Variants in BICD1 observed in about 807,000 individuals in gnomAD.
The protein encoded by BICD1 is protein bicaudal D homolog 1.
A neutral mutation model predicts 92.5 loss-of-function variants in BICD1; 35 were observed. That is an observed-to-expected ratio of 0.38 (90% CI 0.29 to 0.50). The LOEUF (loss-of-function observed/expected upper bound fraction) is 0.50, where lower values mean the gene tolerates loss of function less well. Among genes scored for constraint, BICD1 ranks in the 20% least tolerant of loss-of-function variants. The pLI is 0.93. For synonymous variants in BICD1, 429 were observed against 465.1 expected, an observed-to-expected ratio of 0.92 and a Z score of 1.00; for missense variants, 950 against 1,189.8, an observed-to-expected ratio of 0.80 and a Z score of 2.97.
chr12:32,309,180 G>C (rs1948311139), intron 4 of BICD1, among the ~76,000 whole-genome samples: 1 of 144,836 alleles, frequency 6.9e-6, no homozygotes, highest in Non-Finnish European at 1.5e-5. Flanking sequence ...AACATTACAG[G>C]ATACATTGCC....
rs1592663455 is a variant in BICD1, at chr12:32,317,392, C to T, written c.1006-10069C>T. On this transcript the variant is annotated intron_variant, in intron 4 of 9. Coordinates refer to ENST00000652176, the MANE Select transcript of BICD1 (RefSeq NM_001714.4). The stretch of plus-strand genomic sequence containing the variant: ...TGTTGTTTCCTGACTTTTTAATGAT[C>T]GCCATTCTAACTGGTGTGAGATGGT... Among the ~76,000 whole-genome samples the T allele has an allele frequency of 3.3e-5, 5 of 152,212 alleles. 1 individual carries two copies. Among genetic ancestry groups the T allele is most frequent in the African/African-American group, 9.6e-5 (4 of 41,530 alleles).
At chr12:32,187,543 G>A (rs940274354) in intron 1 of BICD1, among the ~76,000 whole-genome samples, 2 of 152,020 alleles carry the variant, frequency 1.3e-5, no homozygotes, top group African/African-American at 2.4e-5. Flanking sequence ...GTGGTGGCGC[G>A]CTCCTATAAT....
At chr12:32,209,911 A>T (rs959953298) in intron 1 of BICD1, among the ~76,000 whole-genome samples, 1 of 152,338 alleles carries the variant, frequency 6.6e-6, no homozygotes, top group African/African-American at 2.4e-5. Flanking sequence ...AAAATAAAAA[A>T]TTCAGTACTT....
At chr12:32,298,809 G>T (rs141422856) in intron 3 of BICD1, among the ~76,000 whole-genome samples, 1,741 of 148,506 alleles carry the variant, frequency 0.012, 24 homozygotes, top group African/African-American at 0.039. Context: ...GGCAGAGATT[G>T]CAGTGAGCCG....
chr12:32,219,336 C>A (rs1407769397), intron 2 of BICD1, among the ~76,000 whole-genome samples: 1 of 152,120 alleles, frequency 6.6e-6, no homozygotes, highest in Non-Finnish European at 1.5e-5. Context: ...ATGTCAAATT[C>A]TCTTCCATAA....
chr12:32,311,773 C>T (rs2136228994), intron 4 of BICD1, among the ~76,000 whole-genome samples: 1 of 152,238 alleles, frequency 6.6e-6, no homozygotes, highest in South Asian at 2.1e-4. Context: ...GGGTGCCTGG[C>T]TCTTAGCTGA....
At chr12:32,142,506 A>G (rs1347704917) in intron 1 of BICD1, among the ~76,000 whole-genome samples, 30 of 49,118 alleles carry the variant, frequency 6.1e-4, no homozygotes, top group Non-Finnish European at 1.2e-3. Flanking sequence ...ATCTATCTAG[A>G]TAAAAATAGC....
At chr12:32,304,034 A>G (rs546098848) in intron 3 of BICD1, among the ~76,000 whole-genome samples, 40 of 152,170 alleles carry the variant, frequency 2.6e-4, no homozygotes, top group African/African-American at 9.6e-4. Flanking sequence ...AGATCACGCC[A>G]CTGCACTCCA....
chr12:32,262,086 C>T (rs1946874757), intron 2 of BICD1, among the ~76,000 whole-genome samples: 1 of 152,190 alleles, frequency 6.6e-6, no homozygotes, highest in Non-Finnish European at 1.5e-5. Context: ...GTTATTTATG[C>T]TTGTTATATG....
intron 2 of BICD1, among the ~76,000 whole-genome samples, chr12:32,219,207 T>C (rs1945443009): frequency 6.6e-6 from 1 of 152,186 alleles, no homozygotes; most frequent in African/African-American, 2.4e-5. Flanking sequence ...GGATAATTTT[T>C]CTTTACTGAA....
intron 1 of BICD1, among the ~76,000 whole-genome samples, chr12:32,177,580 G>T (rs1298085269): frequency 6.7e-6 from 1 of 150,372 alleles, no homozygotes; most frequent in Non-Finnish European, 1.5e-5. Context: ...GATGTTCACT[G>T]GCATGCTAAC....
In BICD1 at chr12:32,141,421, T is replaced by G. The variant is rs1412905543; in HGVS notation, c.213+33877T>G. ...ATATGGCAAAAACAAAATTCTATATTTCTAATGCCCCATGAGAAATCTGAT... is the reference window on the plus strand; with the variant it reads ...ATATGGCAAAAACAAAATTCTATATGTCTAATGCCCCATGAGAAATCTGAT... On this transcript the variant is annotated intron_variant, in intron 1 of 9. Transcript: ENST00000652176. 3.3e-5 allele frequency among the ~76,000 whole-genome samples: 5 copies of G among 152,168 alleles called. No homozygotes were observed. The East Asian group carries it at 7.7e-4, about 23-fold the overall frequency.
chr12:32,351,370 C>T (rs1377760109), intron 8 of BICD1, among the ~76,000 whole-genome samples: 1 of 149,978 alleles, frequency 6.7e-6, no homozygotes, highest in East Asian at 2.0e-4. Flanking sequence ...CCTGTAATTT[C>T]AGCTACTCAG....
intron 2 of BICD1, among the ~76,000 whole-genome samples, chr12:32,287,408 A>C (rs1339377499): frequency 6.6e-6 from 1 of 152,178 alleles, no homozygotes; most frequent in Non-Finnish European, 1.5e-5. Flanking sequence ...TTAATAAAGA[A>C]GCACATGTAT....
At chr12:32,162,365 T>A (rs1236921290) in intron 1 of BICD1, among the ~76,000 whole-genome samples, 1 of 152,208 alleles carries the variant, frequency 6.6e-6, no homozygotes, top group Non-Finnish European at 1.5e-5. Flanking sequence ...AAGAATGTAA[T>A]ATAGGCGAAG....
At chr12:32,128,714 A>T (rs886980153) in intron 1 of BICD1, among the ~76,000 whole-genome samples, 1 of 152,100 alleles carries the variant, frequency 6.6e-6, no homozygotes, top group African/African-American at 2.4e-5. Flanking sequence ...TTTTCCTGTC[A>T]TAATATATCA....
At chr12:32,204,842 C>T (rs981421832) in intron 1 of BICD1, among the ~76,000 whole-genome samples, 15 of 152,156 alleles carry the variant, frequency 9.9e-5, no homozygotes, top group Admixed American at 7.9e-4. Context: ...ATCTGTTGAA[C>T]GCAGTGTGAA....
intron 1 of BICD1, among the ~76,000 whole-genome samples, chr12:32,199,331 GC>G (rs1316861001): frequency 6.6e-6 from 1 of 152,148 alleles, no homozygotes; most frequent in African/African-American, 2.4e-5. Context: ...GTCACAGGGG[GC>G]CCAGGTTCCT....
intron 1 of BICD1, among the ~76,000 whole-genome samples, chr12:32,187,024 G>A: frequency 6.6e-6 from 1 of 152,162 alleles, no homozygotes; most frequent in African/African-American, 2.4e-5. Context: ...CTGGATCTCG[G>A]TTTCTTCTAT....
Sources: gnomAD v4.1 joint callset for allele counts (sites outside exome capture counted in the v4.1 genomes callset) on GRCh38, gnomAD v4.1.1 for gene constraint, MANE v1.5 for transcripts, NCBI Gene and HGNC (gene_info 2026-07-23, HGNC 2026-07-21) for gene names.